TNNI3K: variants seen among roughly 807,000 people sequenced by gnomAD.
The protein encoded by TNNI3K is serine/threonine-protein kinase TNNI3K.
A neutral mutation model predicts 114.5 loss-of-function variants in TNNI3K; 140 were observed. The observed-to-expected ratio is 1.22, with a 90% CI of 1.07 to 1.41. The LOEUF (loss-of-function observed/expected upper bound fraction) is 1.41, where lower values mean the gene tolerates loss of function less well. Ranked by LOEUF, TNNI3K falls within the 40% of genes most tolerant of loss-of-function variation. TNNI3K has a pLI of 0.00. For missense variants in TNNI3K, 1,125 were observed against 1,007.6 expected (o/e 1.12, Z -1.58); for synonymous variants, 347 against 347.5 (o/e 1.00, Z 0.02).
chr1:74,415,549 C>A (rs924331800), intron 17 of TNNI3K, among the ~76,000 whole-genome samples: 31 of 151,984 alleles, frequency 2.0e-4, no homozygotes, highest in African/African-American at 6.8e-4. Context: ...TTTGAAAAAT[C>A]TTTCTGTAAA....
chr1:74,254,342 A>G (rs1315107518), intron 4 of TNNI3K, among the ~76,000 whole-genome samples: 2 of 152,162 alleles, frequency 1.3e-5, no homozygotes, highest in Non-Finnish European at 1.5e-5. Flanking sequence ...TTCAAATTCA[A>G]GTTTTATCAA....
chr1:74,392,005 G>A (rs867839606), intron 17 of TNNI3K, among the ~76,000 whole-genome samples: 14 of 123,286 alleles, frequency 1.1e-4, no homozygotes, highest in South Asian at 7.5e-4. Flanking sequence ...TCGCTCTGTC[G>A]CCCAGGCTGG....
At chr1:74,390,766 A>T (rs1663723737) in intron 17 of TNNI3K, among the ~76,000 whole-genome samples, 1 of 152,102 alleles carries the variant, frequency 6.6e-6, no homozygotes, top group Admixed American at 6.6e-5. Flanking sequence ...TGTGAGAGTA[A>T]GTTATTAGGA....
At chr1:74,486,155 G>A (rs892576502) in intron 21 of TNNI3K, among the ~76,000 whole-genome samples, 10 of 150,260 alleles carry the variant, frequency 6.7e-5, no homozygotes, top group Admixed American at 5.4e-4. Flanking sequence ...AATTTTAATT[G>A]TTTCCTAAAA....
intron 23 of TNNI3K, among the ~76,000 whole-genome samples, chr1:74,504,700 G>A (rs1369080762): frequency 6.6e-6 from 1 of 152,060 alleles, no homozygotes; most frequent in Non-Finnish European, 1.5e-5. Context: ...AAAAGAGTGA[G>A]CGAGTGACAT....
At chr1:74,415,506 C>A (rs368838394) in intron 17 of TNNI3K, among the ~76,000 whole-genome samples, 1 of 152,008 alleles carries the variant, frequency 6.6e-6, no homozygotes, top group Non-Finnish European at 1.5e-5. Flanking sequence ...TTGTTTTCAC[C>A]TGTTATGTTT....
At chr1:74,438,364 T>A (rs1225925311) in intron 19 of TNNI3K, among the ~76,000 whole-genome samples, 1 of 152,054 alleles carries the variant, frequency 6.6e-6, no homozygotes, top group Non-Finnish European at 1.5e-5. Flanking sequence ...TAACTATGCA[T>A]GGTTTCAAAA....
intron 11 of TNNI3K, among the ~76,000 whole-genome samples, chr1:74,362,664 T>G (rs1043717833): frequency 2.0e-5 from 3 of 152,140 alleles, no homozygotes; most frequent in African/African-American, 7.2e-5. Context: ...AAACTGTCTT[T>G]GTAACAGTCT....
intron 23 of TNNI3K, among the ~76,000 whole-genome samples, chr1:74,503,075 C>T (rs1268339755): frequency 6.6e-6 from 1 of 152,128 alleles, no homozygotes; most frequent in East Asian, 1.9e-4. Context: ...TTCACTTCCT[C>T]ATTAAACGTA....
At position 74,426,153 on chromosome 1, in the gene TNNI3K, A is replaced by G. The variant is rs959321642; in HGVS notation, c.1773-9927A>G. Among the ~76,000 whole-genome samples the G allele has an allele frequency of 2.6e-5, 4 of 152,258 alleles. No homozygotes were observed. The East Asian group carries it at 5.8e-4, about 22-fold the overall frequency. ...TTCGCTAAGGGGAGATGGAGATACC[A>G]TAGTAAAAGCTATAGTTTCAGATTA... On this transcript the variant is annotated intron_variant, in intron 17 of 24. Transcript: ENST00000326637.
At chr1:74,480,570 C>A (rs1279518863) in intron 21 of TNNI3K, 7 of 717,220 alleles carry the variant, frequency 9.8e-6, no homozygotes, top group Non-Finnish European at 1.6e-5. Context: ...TTGGATAAAT[C>A]CAGATACCTG....
intron 11 of TNNI3K, among the ~76,000 whole-genome samples, chr1:74,361,350 A>G (rs187376083): frequency 4.6e-5 from 7 of 152,216 alleles, no homozygotes; most frequent in Non-Finnish European, 2.9e-5. Flanking sequence ...CATTATACAC[A>G]TTCACATCAT....
At chr1:74,448,643 A>G (rs1233182194) in intron 20 of TNNI3K, among the ~76,000 whole-genome samples, 9 of 99,730 alleles carry the variant, frequency 9.0e-5, no homozygotes, top group African/African-American at 3.3e-4. Flanking sequence ...TCCCATCAAT[A>G]CCTAATTTAT....
chr1:74,356,082 A>T (rs1015856276), intron 11 of TNNI3K, among the ~76,000 whole-genome samples: 1 of 152,164 alleles, frequency 6.6e-6, no homozygotes, highest in Non-Finnish European at 1.5e-5. Context: ...TTCTTGTGGC[A>T]TAGTCGTTTT....
intron 19 of TNNI3K, among the ~76,000 whole-genome samples, chr1:74,437,480 A>T (rs45482502): frequency 0.11 from 16,507 of 152,026 alleles, 1,464 homozygotes; most frequent in African/African-American, 0.24. Flanking sequence ...GATGAGGTTG[A>T]CATTTAGATA....
intron 21 of TNNI3K, among the ~76,000 whole-genome samples, chr1:74,477,523 G>T (rs1668264957): frequency 6.6e-6 from 1 of 152,122 alleles, no homozygotes; most frequent in African/African-American, 2.4e-5. Context: ...AATGACTAGT[G>T]CAGTTAGTAG....
chr1:74,298,505 T>G (rs1206229726), intron 5 of TNNI3K, among the ~76,000 whole-genome samples: 1 of 152,190 alleles, frequency 6.6e-6, no homozygotes, highest in Non-Finnish European at 1.5e-5. Context: ...TACACTGATC[T>G]TTTGGTCACT....
At chr1:74,482,534 A>G (rs934439175) in intron 21 of TNNI3K, among the ~76,000 whole-genome samples, 1 of 152,212 alleles carries the variant, frequency 6.6e-6, no homozygotes, top group African/African-American at 2.4e-5. Flanking sequence ...GATGGTGACA[A>G]CATCTACCTC....
chr1:74,283,859 T>TA (rs1336971714), intron 5 of TNNI3K, among the ~76,000 whole-genome samples: 1 of 152,214 alleles, frequency 6.6e-6, no homozygotes, highest in African/African-American at 2.4e-5. Context: ...ATGTATTAGC[T>TA]AAACAGAAAT....
Sources: allele counts gnomAD v4.1 joint callset (sites outside exome capture counted in the v4.1 genomes callset), GRCh38; gene constraint gnomAD v4.1.1; transcripts MANE v1.5; gene names NCBI Gene and HGNC (gene_info 2026-07-23, HGNC 2026-07-21).